MTMR2: variants seen among roughly 807,000 people sequenced by gnomAD.
MTMR2 encodes phosphatidylinositol-3,5-bisphosphate 3-phosphatase MTMR2.
In MTMR2, 55 loss-of-function variants were observed where a neutral mutation model predicts 86.9. The ratio of observed to expected loss-of-function variants is 0.63; its 90% CI spans 0.51 to 0.79. MTMR2 has a LOEUF of 0.79. Ranked by LOEUF, MTMR2 falls within the 30% of genes least tolerant of loss-of-function variation. MTMR2 has a pLI of 0.00. For missense variants in MTMR2, 659 were observed against 772.3 expected (o/e 0.85, Z 1.74); for synonymous variants, 241 against 266.8 (o/e 0.90, Z 0.94).
In MTMR2 at chr11:95,849,379, G is replaced by A. The variant is rs149084359; in HGVS notation, c.993+295C>T. ...GAGAAGTGGGAAGCTAAGAATAACT[G>A]AACACCTAGTTATTATGTAAGTAAG... On this transcript the variant is annotated intron_variant, in intron 9 of 14. Coordinates refer to ENST00000346299, the MANE Select transcript of MTMR2 (RefSeq NM_016156.6). 5.5e-4 allele frequency among the ~76,000 whole-genome samples: 84 copies of A among 152,160 alleles called. 2 individuals carry two copies. The highest frequency in any genetic ancestry group is 6.8e-3 in the Middle Eastern group (2 of 294).
At chr11:95,923,437 C>T (rs1167542932) in intron 1 of MTMR2, among the ~76,000 whole-genome samples, 1 of 150,686 alleles carries the variant, frequency 6.6e-6, no homozygotes, top group East Asian at 2.0e-4. Context: ...AAGGGCTGGG[C>T]AAGAACCCAA....
rs758991237 is a variant in MTMR2, at chr11:95,833,856, A to C, written c.*1434T>G. 3 of 151,918 alleles carry C rather than the reference A, an allele frequency of 2.0e-5. No homozygotes were observed. Among genetic ancestry groups the C allele is most frequent in the Non-Finnish European group, 2.9e-5 (2 of 67,914 alleles). 9.4% of individuals were successfully genotyped at this position (151,918 alleles called of 1,614,324 possible). A position where few individuals can be genotyped will look rare whatever the true frequency, so the allele number is the denominator to read the frequency against. On this transcript the variant is annotated 3_prime_UTR_variant, in exon 15 of 15. Transcript: ENST00000346299. ...TTTGGTACCAATTTTGCTAAATTGGATATACTAATAGAAACTTCCTCACTG... is the reference window on the plus strand; with the variant it reads ...TTTGGTACCAATTTTGCTAAATTGGCTATACTAATAGAAACTTCCTCACTG...
chr11:95,851,055 CTTTTTTTTT>C (rs55809121), intron 7 of MTMR2, among the ~76,000 whole-genome samples: 5 of 93,416 alleles, frequency 5.4e-5, no homozygotes, highest in African/African-American at 1.4e-4. Flanking sequence ...TCAAATATTC[CTTTTTTTTT>C]TTTTTTTTTT....
intron 2 of MTMR2, among the ~76,000 whole-genome samples, chr11:95,870,736 TC>T (rs201787111): frequency 0.11 from 16,292 of 144,612 alleles, 1,107 homozygotes; most frequent in Middle Eastern, 0.14. Flanking sequence ...TTTTTCTTTT[TC>T]TTTTTTTTTT....
rs1186506171 is a variant in MTMR2, at chr11:95,865,583, A to G, written c.262+18T>C. The G allele has an allele frequency of 6.3e-7, 1 of 1,587,514 alleles. No homozygotes were observed. The highest frequency in any genetic ancestry group is 1.1e-5 in the South Asian group (1 of 90,910). On this transcript the variant is annotated intron_variant, in intron 3 of 14. Coordinates refer to ENST00000346299, the MANE Select transcript of MTMR2 (RefSeq NM_016156.6). ...GTAGAACGGAGAAGGACATTAAGCA[A>G]AAAATACCATTACGGACCCATGTCT... is the stretch of plus-strand genomic sequence containing the variant.
Position 95,895,982 on chromosome 11 carries a change from C to CT in MTMR2, c.81-7722dup, listed in dbSNP as rs577612369. 9.2e-5 allele frequency among the ~76,000 whole-genome samples: 14 copies of CT among 152,164 alleles called. No individual in the cohort carries two copies. The South Asian group carries it at 2.9e-3, about 32-fold the overall frequency. On this transcript the variant is annotated intron_variant, in intron 1 of 14. Coordinates refer to ENST00000346299, the MANE Select transcript of MTMR2 (RefSeq NM_016156.6). The stretch of plus-strand genomic sequence containing the variant: ...CTGCTCTCAAGATAAAGATCAATAC[C>CT]TTACCACAGCCTCAAGTTGCTACAT...
chr11:95,834,327 C>T lies in MTMR2; in HGVS notation c.*963G>A, dbSNP rs1000372546. ...CAGTGTGTTCTTTGGTAGACTTAAT[C>T]GTTGAGTGAAATTACAGAATTTGCA... is the stretch of plus-strand genomic sequence containing the variant. On this transcript the variant is annotated 3_prime_UTR_variant, in exon 15 of 15. Coordinates refer to ENST00000346299, the MANE Select transcript of MTMR2 (RefSeq NM_016156.6). The T allele has an allele frequency of 6.6e-6, 1 of 152,240 alleles. No individual in the cohort carries two copies. The highest frequency in any genetic ancestry group is 2.4e-5 in the African/African-American group (1 of 41,380). The allele number at this position is 152,240 out of a possible 1,614,324, so 9.4% of individuals were successfully genotyped here.
intron 1 of MTMR2, among the ~76,000 whole-genome samples, chr11:95,895,480 T>C (rs770207422): frequency 2.6e-5 from 4 of 152,160 alleles, no homozygotes; most frequent in Admixed American, 6.6e-5. Flanking sequence ...AGGCTGTAAT[T>C]TGCTGAAATC....
At chr11:95,883,826 A>C (rs749684417) in intron 2 of MTMR2, among the ~76,000 whole-genome samples, 3 of 152,244 alleles carry the variant, frequency 2.0e-5, no homozygotes, top group Non-Finnish European at 4.4e-5. Flanking sequence ...TAATCTACTA[A>C]GGCACTATCC....
chr11:95,880,386 T>C (rs565067042), intron 2 of MTMR2, among the ~76,000 whole-genome samples: 9 of 152,256 alleles, frequency 5.9e-5, no homozygotes, highest in Admixed American at 3.9e-4. Flanking sequence ...TCAAATGATG[T>C]ACATTTATCA....
chr11:95,899,027 T>G (rs1162600776), intron 1 of MTMR2, among the ~76,000 whole-genome samples: 1 of 152,124 alleles, frequency 6.6e-6, no homozygotes, highest in Non-Finnish European at 1.5e-5. Context: ...TGCTGAATAA[T>G]AAGTTGATAT....
At chr11:95,847,453 G>A (rs563146673) in intron 10 of MTMR2, among the ~76,000 whole-genome samples, 1 of 152,220 alleles carries the variant, frequency 6.6e-6, no homozygotes, top group South Asian at 2.1e-4. Context: ...AATGAAATAT[G>A]AACTGGAATC....
At chr11:95,891,850 G>C (rs907723688) in intron 1 of MTMR2, among the ~76,000 whole-genome samples, 2 of 152,088 alleles carry the variant, frequency 1.3e-5, no homozygotes, top group Non-Finnish European at 1.5e-5. Flanking sequence ...GGGGGAGAGA[G>C]GGAGGGAGAG....
At chr11:95,897,560 A>T (rs1865921918) in intron 1 of MTMR2, among the ~76,000 whole-genome samples, 1 of 152,142 alleles carries the variant, frequency 6.6e-6, no homozygotes, top group African/African-American at 2.4e-5. Flanking sequence ...TGCAAATTCA[A>T]CACCCTTACT....
At chr11:95,872,299 A>G (rs1235392494) in intron 2 of MTMR2, among the ~76,000 whole-genome samples, 1 of 152,076 alleles carries the variant, frequency 6.6e-6, no homozygotes, top group Non-Finnish European at 1.5e-5. Flanking sequence ...TATTTCATTG[A>G]GCAGTGGTTT....
intron 7 of MTMR2, among the ~76,000 whole-genome samples, chr11:95,855,532 G>A (rs1864179296): frequency 1.3e-5 from 2 of 152,212 alleles, no homozygotes; most frequent in South Asian, 2.1e-4. Flanking sequence ...GATTACAGGT[G>A]TGAGCCACTG....
At chr11:95,877,603 A>T (rs1439243633) in intron 2 of MTMR2, among the ~76,000 whole-genome samples, 1 of 151,976 alleles carries the variant, frequency 6.6e-6, no homozygotes. Flanking sequence ...GTTGTTGCAG[A>T]TATAATTAGT....
chr11:95,843,634 T>C (rs971136905), intron 11 of MTMR2, among the ~76,000 whole-genome samples: 2 of 152,070 alleles, frequency 1.3e-5, no homozygotes, highest in African/African-American at 2.4e-5. Flanking sequence ...ACATAACAGA[T>C]TGAAGGTAAA....
At chr11:95,878,377 C>G (rs1239206031) in intron 2 of MTMR2, among the ~76,000 whole-genome samples, 1 of 151,570 alleles carries the variant, frequency 6.6e-6, no homozygotes, top group Non-Finnish European at 1.5e-5. Flanking sequence ...TATATGCCAC[C>G]ATACCTTCGT....
Sources: allele counts gnomAD v4.1 joint callset (sites outside exome capture counted in the v4.1 genomes callset), GRCh38; gene constraint gnomAD v4.1.1; transcripts MANE v1.5; gene names NCBI Gene and HGNC (gene_info 2026-07-23, HGNC 2026-07-21).